Variants in SLIT3 observed in about 807,000 individuals in gnomAD.
SLIT3 encodes slit guidance ligand 3.
SLIT3 carries 68 observed loss-of-function variants against 184.0 expected under a neutral mutation model. The observed-to-expected ratio is 0.37, with a 90% confidence interval of 0.30 to 0.45. The LOEUF (loss-of-function observed/expected upper bound fraction) is 0.45, where lower values mean the gene tolerates loss of function less well. SLIT3 is among the 20% of genes least tolerant of loss of function. The pLI is 1.00. For missense variants in SLIT3, 1,707 were observed against 2,026.0 expected (o/e 0.84, Z 3.02); for synonymous variants, 831 against 828.6 (o/e 1.00, Z -0.05).
chr5:169,023,885 A>C (rs1756703280), intron 4 of SLIT3: 1 of 152,164 alleles, frequency 6.6e-6, no homozygotes, highest in African/African-American at 2.4e-5. Flanking sequence ...GGAATGAAAG[A>C]CTGAGGCTGG....
At chr5:169,061,028 C>A (rs1211121275) in intron 4 of SLIT3, among the ~76,000 whole-genome samples, 1 of 152,150 alleles carries the variant, frequency 6.6e-6, no homozygotes, top group South Asian at 2.1e-4. Context: ...CCCTGCACCC[C>A]GGTTTCCTTA....
chr5:169,194,646 C>A (rs578170219), intron 3 of SLIT3, among the ~76,000 whole-genome samples: 6 of 152,140 alleles, frequency 3.9e-5, no homozygotes, highest in African/African-American at 9.6e-5. Context: ...TATTGTAGAC[C>A]CTTATCACCA....
intron 5 of SLIT3, among the ~76,000 whole-genome samples, chr5:168,857,024 C>T (rs1274306262): frequency 6.6e-6 from 1 of 151,982 alleles, no homozygotes; most frequent in African/African-American, 2.4e-5. Context: ...TTCCTTCATG[C>T]TGTCTCTAAA....
chr5:169,114,105 C>T (rs577381623), intron 4 of SLIT3, among the ~76,000 whole-genome samples: 1 of 152,254 alleles, frequency 6.6e-6, no homozygotes, highest in South Asian at 2.1e-4. Flanking sequence ...GCTCAACTAC[C>T]CTCCCCCACC....
In SLIT3 at chr5:168,894,456, C is replaced by T. The variant is rs547919766; in HGVS notation, c.414-11120G>A. Among the ~76,000 whole-genome samples the T allele has an allele frequency of 4.6e-5, 7 of 152,200 alleles. No homozygotes were observed. In the South Asian group the frequency reaches 1.2e-3, roughly 27 times the overall value. On this transcript the variant is annotated intron_variant, in intron 4 of 35. Coordinates refer to ENST00000519560, the MANE Select transcript of SLIT3 (RefSeq NM_003062.4). ...CAAGCTATGGGAATCTTTTTTTCCC[C>T]CAAGTCCAGTTTGTCCCTTTGGATT...
At chr5:169,014,723 G>A (rs1322353316) in intron 4 of SLIT3, among the ~76,000 whole-genome samples, 2 of 152,220 alleles carry the variant, frequency 1.3e-5, no homozygotes, top group African/African-American at 4.8e-5. Flanking sequence ...GGCCAAGGCA[G>A]GTGGATCATC....
At chr5:169,138,232 C>G (rs1031366045) in intron 4 of SLIT3, among the ~76,000 whole-genome samples, 1 of 152,320 alleles carries the variant, frequency 6.6e-6, no homozygotes, top group East Asian at 1.9e-4. Context: ...GGAGCTCTCC[C>G]GTAAACGCAT....
At chr5:168,796,859 G>A (rs1228420385) in intron 9 of SLIT3, among the ~76,000 whole-genome samples, 1 of 152,104 alleles carries the variant, frequency 6.6e-6, no homozygotes, top group Non-Finnish European at 1.5e-5. Context: ...TGCTAATGTG[G>A]AATGGTTTGT....
chr5:169,183,799 C>T (rs750956509), intron 4 of SLIT3, among the ~76,000 whole-genome samples: 9 of 152,182 alleles, frequency 5.9e-5, no homozygotes, highest in Non-Finnish European at 1.0e-4. Context: ...GGTTTATTCC[C>T]CCATATATCC....
At chr5:168,865,870 T>C (rs1222570626) in intron 5 of SLIT3, among the ~76,000 whole-genome samples, 1 of 152,198 alleles carries the variant, frequency 6.6e-6, no homozygotes. Flanking sequence ...TTTAATTAAA[T>C]TGGAATATAT....
At chr5:169,274,561 G>C (rs11955627) in intron 1 of SLIT3, among the ~76,000 whole-genome samples, 16,432 of 152,190 alleles carry the variant, frequency 0.11, 1,137 homozygotes, top group East Asian at 0.26. Context: ...CATGAATGTT[G>C]ATGGAATGAA....
intron 4 of SLIT3, among the ~76,000 whole-genome samples, chr5:169,142,061 AAAAAT>A (rs1761762856): frequency 2.9e-5 from 2 of 68,950 alleles, no homozygotes; most frequent in South Asian, 3.9e-4. Context: ...AAAAAAAAAT[AAAAAT>A]AAAAATAAAA....
intron 3 of SLIT3, among the ~76,000 whole-genome samples, chr5:169,230,911 T>C (rs1764979615): frequency 6.6e-6 from 1 of 152,198 alleles, no homozygotes. Context: ...AAAGGATAAA[T>C]ATATTTTGAG....
intron 20 of SLIT3, among the ~76,000 whole-genome samples, chr5:168,727,781 G>A (rs1301617901): frequency 1.3e-5 from 2 of 152,202 alleles, no homozygotes; most frequent in East Asian, 3.9e-4. Flanking sequence ...GACACTGGGA[G>A]GGGGTATGTA....
At chr5:169,192,527 T>C (rs956935117) in intron 4 of SLIT3, among the ~76,000 whole-genome samples, 1 of 152,152 alleles carries the variant, frequency 6.6e-6, no homozygotes, top group Admixed American at 6.5e-5. Flanking sequence ...ATGTGTTTCA[T>C]GTTTCCCAAT....
At chr5:168,893,262 T>C (rs1233854599) in intron 4 of SLIT3, among the ~76,000 whole-genome samples, 1 of 152,134 alleles carries the variant, frequency 6.6e-6, no homozygotes, top group Non-Finnish European at 1.5e-5. Context: ...GTTTTGTTTA[T>C]CTCTTATTGT....
intron 4 of SLIT3, among the ~76,000 whole-genome samples, chr5:169,077,265 C>T (rs768491545): frequency 7.2e-5 from 11 of 152,032 alleles, no homozygotes; most frequent in South Asian, 2.1e-4. Flanking sequence ...AGGCCGGGCG[C>T]GGTGGCTCAC....
At chr5:169,036,510 C>T (rs1459817271) in intron 4 of SLIT3, 1 of 152,154 alleles carries the variant, frequency 6.6e-6, no homozygotes, top group East Asian at 1.9e-4. Flanking sequence ...GGAAAACCTA[C>T]CTCCCCTCTC....
chr5:169,263,899 C>T (rs1766300307), intron 1 of SLIT3, among the ~76,000 whole-genome samples: 1 of 151,528 alleles, frequency 6.6e-6, no homozygotes, highest in East Asian at 2.0e-4. Context: ...TTCCTCCAGA[C>T]ACCTTGGATG....
Sources: allele counts gnomAD v4.1 joint callset (sites outside exome capture counted in the v4.1 genomes callset), GRCh38; gene constraint gnomAD v4.1.1; transcripts MANE v1.5; gene names NCBI Gene and HGNC (gene_info 2026-07-23, HGNC 2026-07-21).